PRKG2: variants seen among roughly 807,000 people sequenced by gnomAD.
PRKG2 encodes protein kinase cGMP-dependent 2.
PRKG2 carries 33 observed loss-of-function variants against 97.2 expected under a neutral mutation model. The observed-to-expected ratio is 0.34, with a 90% CI of 0.26 to 0.45. The LOEUF is 0.45. Among genes scored for constraint, PRKG2 ranks in the 20% least tolerant of loss-of-function variants. PRKG2 has a pLI of 1.00. For synonymous variants in PRKG2, 330 were observed against 321.8 expected (o/e 1.03, Z -0.27); for missense variants, 638 against 900.0 (o/e 0.71, Z 3.73).
Position 81,187,411 on chromosome 4 carries a change from A to G in PRKG2, c.462-12452T>C, listed in dbSNP as rs561089975. 2.2e-3 allele frequency among the ~76,000 whole-genome samples: 332 copies of G among 152,272 alleles called. 3 individuals carry two copies. The highest frequency in any genetic ancestry group is 7.8e-3 in the African/African-American group (323 of 41,568). ...CTCAATAGATGCAGAAAAGGACTTC[A>G]ACAAAATTCAACACCCCTATGTGCT... On this transcript the variant is annotated intron_variant, in intron 2 of 18. Coordinates refer to ENST00000264399, the MANE Select transcript of PRKG2 (RefSeq NM_006259.3).
At chr4:81,153,379 A>G in intron 7 of PRKG2, 1 of 291,498 alleles carries the variant, frequency 3.4e-6, no homozygotes, top group Admixed American at 4.8e-5. Flanking sequence ...TAATCCAGCC[A>G]TCTCATATAC....
chr4:81,188,319 T>C lies in PRKG2; in HGVS notation c.462-13360A>G, dbSNP rs1343311711. On this transcript the variant is annotated intron_variant, in intron 2 of 18. Transcript: ENST00000264399. ...AGAGAAATGCAAATCAAAACCACAA[T>C]GAGATACCATCTCACATCAGTTAGA... 3.8e-3 allele frequency among the ~76,000 whole-genome samples: 568 copies of C among 147,938 alleles called. 2 individuals are homozygous for C. The highest frequency in any genetic ancestry group is 0.014 in the African/African-American group (542 of 37,656).
intron 7 of PRKG2, among the ~76,000 whole-genome samples, chr4:81,153,193 C>T (rs907558636): frequency 6.6e-6 from 1 of 152,210 alleles, no homozygotes; most frequent in Admixed American, 6.5e-5. Context: ...AATTGAAATT[C>T]TGAGCCATAT....
intron 17 of PRKG2, among the ~76,000 whole-genome samples, chr4:81,094,462 A>T (rs1706290268): frequency 6.6e-6 from 1 of 152,158 alleles, no homozygotes; most frequent in South Asian, 2.1e-4. Context: ...CTGAGTAGAG[A>T]AGCTACACAG....
intron 2 of PRKG2, among the ~76,000 whole-genome samples, chr4:81,189,066 T>TAAAATAAAAAAAAAAAAA (rs1752192390): frequency 6.4e-4 from 11 of 17,058 alleles, no homozygotes; most frequent in African/African-American, 1.6e-3. Context: ...AAAAAAATAA[T>TAAAATAAAAAAAAAAAAA]AAAAAAAAAA....
At chr4:81,111,197 G>A (rs764769840) in intron 14 of PRKG2, among the ~76,000 whole-genome samples, 14 of 152,080 alleles carry the variant, frequency 9.2e-5, no homozygotes, top group Non-Finnish European at 1.9e-4. Flanking sequence ...GCAAAGTCAG[G>A]GTAATATCAT....
At chr4:81,202,731 A>AT (rs11393734) in intron 2 of PRKG2, among the ~76,000 whole-genome samples, 5,893 of 150,278 alleles carry the variant, frequency 0.039, 361 homozygotes, top group African/African-American at 0.13. Flanking sequence ...ATAACTACTG[A>AT]TTTTTTTTTT....
At chr4:81,115,181 T>C (rs1744391660) in intron 14 of PRKG2, among the ~76,000 whole-genome samples, 2 of 152,176 alleles carry the variant, frequency 1.3e-5, no homozygotes, top group Non-Finnish European at 2.9e-5. Context: ...CTTTACTAGA[T>C]ATTGCCAAAA....
chr4:81,179,232 A>G (rs1311918897), intron 2 of PRKG2, among the ~76,000 whole-genome samples: 1 of 152,158 alleles, frequency 6.6e-6, no homozygotes, highest in East Asian at 1.9e-4. Context: ...AATAAATACA[A>G]AGAAAACCAT....
chr4:81,176,625 T>A (rs1750953238), intron 2 of PRKG2, among the ~76,000 whole-genome samples: 1 of 152,162 alleles, frequency 6.6e-6, no homozygotes, highest in Non-Finnish European at 1.5e-5. Flanking sequence ...TTTTCCAAAG[T>A]ATGTTCCAAG....
At chr4:81,114,279 CCCCTATAGCATTTGCAACACAG>C (rs1351040371) in intron 14 of PRKG2, among the ~76,000 whole-genome samples, 2 of 151,312 alleles carry the variant, frequency 1.3e-5, no homozygotes, top group African/African-American at 4.9e-5. Flanking sequence ...ACATTTTGTA[CCCCTATAGCATTTGCAACACAG>C]ATGTTCAACC....
intron 14 of PRKG2, among the ~76,000 whole-genome samples, chr4:81,126,382 G>GAT (rs1745561789): frequency 6.6e-6 from 1 of 152,146 alleles, no homozygotes; most frequent in Admixed American, 6.5e-5. Flanking sequence ...AATACTTTGG[G>GAT]TATATACCCA....
intron 2 of PRKG2, among the ~76,000 whole-genome samples, chr4:81,198,479 G>A (rs752462811): frequency 1.4e-4 from 21 of 151,858 alleles, no homozygotes; most frequent in Non-Finnish European, 7.4e-5. Context: ...GGAGCTTAAC[G>A]GTACCACCCA....
rs17005081 is a variant in PRKG2, at chr4:81,171,917, T to A, written c.629-113A>T. On this transcript the variant is annotated intron_variant, in intron 3 of 18. Coordinates refer to ENST00000264399, the MANE Select transcript of PRKG2 (RefSeq NM_006259.3). ...GCACACAAAGTATACAGGTAAGATA[T>A]TTTATGATTCTCATTATAATACACC... 2,514 of 672,920 alleles carry A rather than the reference T, an allele frequency of 3.7e-3. 43 individuals carry two copies. In the African/African-American group the frequency reaches 0.039, roughly 11 times the overall value. 41.7% of individuals were successfully genotyped at this position (672,920 alleles called of 1,614,324 possible).
intron 9 of PRKG2, among the ~76,000 whole-genome samples, chr4:81,146,685 A>G (rs1042885757): frequency 1.3e-5 from 2 of 152,172 alleles, no homozygotes; most frequent in African/African-American, 2.4e-5. Context: ...GACTATGTCA[A>G]AGGCTGGCAC....
Position 81,112,167 on chromosome 4 carries a change from T to C in PRKG2, c.1777-1556A>G, listed in dbSNP as rs1415306332. The stretch of plus-strand genomic sequence containing the variant: ...GTATTTATCACACAACAGCAAGGAT[T>C]TTCCTATTGGAAAAAAGGAATTTAA... On this transcript the variant is annotated intron_variant, in intron 14 of 18. Transcript: ENST00000264399. 2.0e-5 allele frequency among the ~76,000 whole-genome samples: 3 copies of C among 152,196 alleles called. No homozygotes were observed. The East Asian group carries it at 5.8e-4, about 29-fold the overall frequency.
intron 2 of PRKG2, among the ~76,000 whole-genome samples, chr4:81,186,494 C>G (rs9990963): frequency 0.23 from 34,738 of 152,006 alleles, 7,877 homozygotes; most frequent in African/African-American, 0.58. Flanking sequence ...GAAATTTATA[C>G]CACTCAATGC....
chr4:81,110,385 A>G (rs934806574), intron 15 of PRKG2, 63 bp downstream of exon 15: 6 of 1,516,014 alleles, frequency 4.0e-6, no homozygotes, highest in Admixed American at 2.1e-5. Flanking sequence ...ACACTTTATC[A>G]CTAGTTAGGT....
chr4:81,143,114 C>T (rs997197097), intron 10 of PRKG2, among the ~76,000 whole-genome samples, 167 bp from the exon 11 acceptor site: 4 of 152,088 alleles, frequency 2.6e-5, no homozygotes, highest in East Asian at 1.9e-4. Flanking sequence ...TCCCACGCAG[C>T]GAGAAAACAA....
Sources: gnomAD v4.1 joint callset for allele counts (sites outside exome capture counted in the v4.1 genomes callset) on GRCh38, gnomAD v4.1.1 for gene constraint, MANE v1.5 for transcripts, NCBI Gene and HGNC (gene_info 2026-07-23, HGNC 2026-07-21) for gene names.